SCHIP1: variants seen among roughly 807,000 people sequenced by gnomAD.
SCHIP1 encodes schwannomin-interacting protein 1.
A neutral mutation model predicts 29.7 loss-of-function variants in SCHIP1; 8 were observed. The observed-to-expected ratio is 0.27, with a 90% CI of 0.16 to 0.49. The LOEUF (loss-of-function observed/expected upper bound fraction) is 0.49, where lower values mean the gene tolerates loss of function less well. Ranked by LOEUF, SCHIP1 falls within the 20% of genes least tolerant of loss-of-function variation. The pLI, the probability that SCHIP1 is intolerant of heterozygous loss-of-function variation, is 0.99. For missense variants in SCHIP1, 193 were observed against 294.6 expected, an observed-to-expected ratio of 0.66 and a Z score of 2.52; for synonymous variants, 76 against 94.9, an observed-to-expected ratio of 0.80 and a Z score of 1.16.
the SCHIP1 span, among the ~76,000 whole-genome samples, chr3:159,717,515 CAAAT>C: frequency 1.3e-5 from 2 of 151,932 alleles, no homozygotes; most frequent in Non-Finnish European, 2.9e-5. Flanking sequence ...AGAGAAGAAT[CAAAT>C]AGGCACAATA....
At chr3:159,343,060 G>A in the SCHIP1 span, among the ~76,000 whole-genome samples, 1 of 152,002 alleles carries the variant, frequency 6.6e-6, no homozygotes, top group African/African-American at 2.4e-5. Context: ...GCTGTGCCAG[G>A]CCCTTTACAA....
At chr3:159,673,378 A>G in the SCHIP1 span, among the ~76,000 whole-genome samples, 1 of 152,354 alleles carries the variant, frequency 6.6e-6, no homozygotes, top group East Asian at 1.9e-4. Flanking sequence ...ATAGCCATGT[A>G]TGTCTGTGAC....
At chr3:159,397,281 T>C in the SCHIP1 span, among the ~76,000 whole-genome samples, 1 of 152,166 alleles carries the variant, frequency 6.6e-6, no homozygotes, top group African/African-American at 2.4e-5. Context: ...CTCCTGTAGC[T>C]CAGAGTAATT....
the SCHIP1 span, among the ~76,000 whole-genome samples, chr3:159,277,896 C>T: frequency 4.7e-5 from 7 of 150,448 alleles, no homozygotes; most frequent in Admixed American, 6.6e-5. Context: ...GCCTGGACAA[C>T]GAGCAAAACT....
the SCHIP1 span, among the ~76,000 whole-genome samples, chr3:159,510,517 G>A: frequency 1.2e-4 from 19 of 152,230 alleles, no homozygotes; most frequent in African/African-American, 4.6e-4. Flanking sequence ...GTAAGGAGCT[G>A]CGTTCCTTTG....
chr3:159,776,328 CTGTCTTTTTTTTTT>C, the SCHIP1 span, among the ~76,000 whole-genome samples: 1 of 83,646 alleles, frequency 1.2e-5, no homozygotes, highest in Non-Finnish European at 2.2e-5. Flanking sequence ...CTTAAGTGTT[CTGTCTTTTTTTTTT>C]TTTTTTTTTT....
the SCHIP1 span, among the ~76,000 whole-genome samples, chr3:159,341,311 A>G: frequency 6.6e-6 from 1 of 151,490 alleles, no homozygotes; most frequent in Non-Finnish European, 1.5e-5. Context: ...GCCTCTCTCA[A>G]CTCCCCTGCT....
At chr3:159,296,441 T>G in the SCHIP1 span, among the ~76,000 whole-genome samples, 1 of 152,156 alleles carries the variant, frequency 6.6e-6, no homozygotes, top group South Asian at 2.1e-4. Context: ...AGTTACCATT[T>G]TGTGTATTTA....
the SCHIP1 span, among the ~76,000 whole-genome samples, chr3:159,286,886 G>A: frequency 6.6e-6 from 1 of 152,096 alleles, no homozygotes. Flanking sequence ...AAAAGTGTCT[G>A]TTCATGTCCT....
the SCHIP1 span, among the ~76,000 whole-genome samples, chr3:159,402,294 A>G: frequency 2.6e-5 from 4 of 152,174 alleles, no homozygotes; most frequent in Non-Finnish European, 1.5e-5. Context: ...GGTGCTGGAG[A>G]GGATGTGGAG....
the SCHIP1 span, among the ~76,000 whole-genome samples, chr3:159,514,070 G>A: frequency 6.6e-6 from 1 of 152,154 alleles, no homozygotes; most frequent in Admixed American, 6.5e-5. Context: ...TTTTAAACTG[G>A]AATTAACTTA....
chr3:159,484,283 TTTTAA>T, the SCHIP1 span, among the ~76,000 whole-genome samples: 1 of 152,234 alleles, frequency 6.6e-6, no homozygotes, highest in African/African-American at 2.4e-5. Context: ...TGAAAGTATA[TTTTAA>T]TTTGTGTTCC....
chr3:159,613,749 A>G, the SCHIP1 span, among the ~76,000 whole-genome samples: 1 of 152,196 alleles, frequency 6.6e-6, no homozygotes, highest in Non-Finnish European at 1.5e-5. Context: ...TCCCATTCCC[A>G]GGCTAGAGGA....
the SCHIP1 span, among the ~76,000 whole-genome samples, chr3:159,551,046 C>T: frequency 7.2e-5 from 11 of 152,102 alleles, no homozygotes; most frequent in South Asian, 2.1e-4. Flanking sequence ...AGGATATTAA[C>T]GTGAAGTCTA....
the SCHIP1 span, among the ~76,000 whole-genome samples, chr3:159,578,348 C>T: frequency 6.6e-6 from 1 of 152,118 alleles, no homozygotes. Flanking sequence ...AATAAGCCAT[C>T]TTTTAATCTG....
chr3:159,481,155 G>T, the SCHIP1 span, among the ~76,000 whole-genome samples: 1 of 152,134 alleles, frequency 6.6e-6, no homozygotes, highest in Non-Finnish European at 1.5e-5. Flanking sequence ...GGCCTCAGAG[G>T]CCTGACACTG....
chr3:159,773,448 C>T, the SCHIP1 span, among the ~76,000 whole-genome samples: 1 of 152,318 alleles, frequency 6.6e-6, no homozygotes, highest in African/African-American at 2.4e-5. Flanking sequence ...CCTCAAGTCA[C>T]CCGACTCCTA....
At chr3:159,466,582 G>A in the SCHIP1 span, among the ~76,000 whole-genome samples, 1 of 152,108 alleles carries the variant, frequency 6.6e-6, no homozygotes, top group African/African-American at 2.4e-5. Flanking sequence ...ATTCTTTTAT[G>A]GAGGTAACTC....
chr3:159,347,691 AC>A, the SCHIP1 span, among the ~76,000 whole-genome samples: 1 of 152,124 alleles, frequency 6.6e-6, no homozygotes, highest in Non-Finnish European at 1.5e-5. Context: ...GGTTTTTTGG[AC>A]CTCTAATGAG....
Sources: gnomAD v4.1 joint callset for allele counts (sites outside exome capture counted in the v4.1 genomes callset) on GRCh38, gnomAD v4.1.1 for gene constraint, MANE v1.5 for transcripts, NCBI Gene and HGNC (gene_info 2026-07-23, HGNC 2026-07-21) for gene names.